The following CASP10 variants were observed in gnomAD, a reference collection of about 807,000 sequenced individuals.
CASP10 encodes caspase 10.
In CASP10, 41 loss-of-function variants were observed where a neutral mutation model predicts 48.5. That is an observed-to-expected ratio of 0.85 (90% confidence interval 0.66 to 1.10). The LOEUF (loss-of-function observed/expected upper bound fraction) is 1.10, where lower values mean the gene tolerates loss of function less well. Among genes scored for constraint, CASP10 ranks in the 50% least tolerant of loss-of-function variants. The pLI is 0.00. For missense variants in CASP10, 614 were observed against 614.5 expected (o/e 1.00, Z 0.01); for synonymous variants, 232 against 238.4 (o/e 0.97, Z 0.25).
At chr2:201,194,226 A>G (rs1944712960) in intron 4 of CASP10, among the ~76,000 whole-genome samples, 1 of 152,002 alleles carries the variant, frequency 6.6e-6, no homozygotes, top group South Asian at 2.1e-4. Context: ...CAGTACGCTA[A>G]ATATCTGTGT....
intron 5 of CASP10, among the ~76,000 whole-genome samples, chr2:201,198,675 G>A (rs1285888949): frequency 6.6e-6 from 1 of 151,074 alleles, no homozygotes; most frequent in Non-Finnish European, 1.5e-5. Flanking sequence ...CAAGTAGCTG[G>A]GACCACAGGC....
intron 9 of CASP10, among the ~76,000 whole-genome samples, chr2:201,228,052 G>C (rs1945811433): frequency 6.6e-6 from 1 of 151,940 alleles, no homozygotes; most frequent in South Asian, 2.1e-4. Flanking sequence ...AAGGTCTTTA[G>C]AGACAGGGCA....
intron 9 of CASP10, among the ~76,000 whole-genome samples, chr2:201,215,830 A>G (rs907527536): frequency 1.3e-5 from 2 of 151,744 alleles, no homozygotes; most frequent in Non-Finnish European, 2.9e-5. Flanking sequence ...GTTTTGTTTT[A>G]GAGATGGGGT....
intron 5 of CASP10, among the ~76,000 whole-genome samples, chr2:201,201,318 T>G (rs1308185726): frequency 1.3e-5 from 2 of 151,986 alleles, no homozygotes; most frequent in African/African-American, 4.8e-5. Context: ...GCATGAGCTA[T>G]TGTGCATGGC....
At chr2:201,222,121 A>C (rs552124723), downstream of CASP10, among the ~76,000 whole-genome samples, 1 of 152,238 alleles carries the variant, frequency 6.6e-6, no homozygotes, top group Non-Finnish European at 1.5e-5. Flanking sequence ...GGGAATAGGT[A>C]GATTGAGTGA....
chr2:201,202,621 C>T (rs375380216), intron 5 of CASP10, among the ~76,000 whole-genome samples: 2 of 152,154 alleles, frequency 1.3e-5, no homozygotes, highest in African/African-American at 2.4e-5. Context: ...TAGGATTCTA[C>T]AGGAAGGGAA....
At chr2:201,209,025 TTCTCTC>T in intron 8 of CASP10, 39 bp from the exon 9 acceptor site, 2 of 1,519,590 alleles carry the variant, frequency 1.3e-6, no homozygotes, top group Non-Finnish European at 1.8e-6. Flanking sequence ...TATTTCCCCT[TTCTCTC>T]TCTCTCTCTC....
At chr2:201,201,861 T>C (rs898678731) in intron 5 of CASP10, among the ~76,000 whole-genome samples, 20 of 152,158 alleles carry the variant, frequency 1.3e-4, no homozygotes, top group African/African-American at 4.6e-4. Flanking sequence ...GAAGGAACTC[T>C]CATCGAATTT....
At chr2:201,200,613 C>T in intron 5 of CASP10, 1 of 1,482,326 alleles carries the variant, frequency 6.7e-7, no homozygotes, top group Non-Finnish European at 8.9e-7. Flanking sequence ...CCCTGAACCT[C>T]ATTCGGCAGG....
At chr2:201,207,713 C>T (rs1412991348) in intron 7 of CASP10, among the ~76,000 whole-genome samples, 14 of 151,294 alleles carry the variant, frequency 9.3e-5, no homozygotes, top group Non-Finnish European at 1.6e-4. Flanking sequence ...GCTGAGATCA[C>T]GCCATTGCAC....
chr2:201,192,624 T>C (rs1378668429), intron 3 of CASP10, among the ~76,000 whole-genome samples: 1 of 152,150 alleles, frequency 6.6e-6, no homozygotes, highest in Non-Finnish European at 1.5e-5. Context: ...AGCTCTGCCA[T>C]TAATTAGCTT....
At chr2:201,200,448 T>C (rs757904811) in intron 5 of CASP10, 35 of 1,597,790 alleles carry the variant, frequency 2.2e-5, no homozygotes, top group Admixed American at 3.3e-5. Flanking sequence ...CCCAGGAAGG[T>C]GTTTTTGTTT....
intron 5 of CASP10, chr2:201,200,358 G>C: frequency 8.0e-7 from 1 of 1,256,348 alleles, no homozygotes; most frequent in Non-Finnish European, 1.1e-6. Context: ...GTAAAACAAT[G>C]CTTTTCTGAC....
chr2:201,227,535 C>A (rs575729627), intron 9 of CASP10, among the ~76,000 whole-genome samples: 8 of 152,170 alleles, frequency 5.3e-5, no homozygotes, highest in African/African-American at 4.8e-5. Flanking sequence ...CAAACAGTTT[C>A]TTTTTTTAAT....
chr2:201,222,649 T>C (rs1350282903), downstream of CASP10, among the ~76,000 whole-genome samples: 1 of 152,242 alleles, frequency 6.6e-6, no homozygotes, highest in East Asian at 1.9e-4. Flanking sequence ...TACTGGCCTC[T>C]GCTTCAGGGA....
At chr2:201,208,541 C>T (rs754175962) in intron 8 of CASP10, 14 of 164,316 alleles carry the variant, frequency 8.5e-5, no homozygotes, top group Non-Finnish European at 1.5e-4. Context: ...TGGCCACTGC[C>T]GATTCTCAGG....
intron 7 of CASP10, among the ~76,000 whole-genome samples, chr2:201,206,786 C>G (rs978735523): frequency 6.6e-6 from 1 of 151,726 alleles, no homozygotes; most frequent in Non-Finnish European, 1.5e-5. Flanking sequence ...AAAGATTTCC[C>G]TTTTTTGAAG....
downstream of CASP10, among the ~76,000 whole-genome samples, chr2:201,225,834 C>T (rs1018905144): frequency 2.6e-5 from 4 of 152,166 alleles, no homozygotes; most frequent in South Asian, 2.1e-4. Context: ...GGCATGGTGG[C>T]GCACACCTGT....
Position 201,219,632 on chromosome 2 carries a change from T to G in CASP10, c.*1891T>G. The G allele has an allele frequency of 1.5e-5, 15 of 985,072 alleles. No homozygotes were observed. The highest frequency in any genetic ancestry group is 1.8e-5 in the Non-Finnish European group (15 of 829,908). 61.0% of individuals were successfully genotyped at this position (985,072 alleles called of 1,614,324 possible). A position where few individuals can be genotyped will look rare whatever the true frequency, so the allele number is the denominator to read the frequency against. On this transcript the variant is annotated 3_prime_UTR_variant, in exon 10 of 10. Transcript: ENST00000286186. Reference sequence around the variant, plus strand: ...TGGCAGAGGGGATGTCTGGCTTGCCTGAAGGGAGTGGCTCTGTAAGGACGC... The same window carrying G: ...TGGCAGAGGGGATGTCTGGCTTGCCGGAAGGGAGTGGCTCTGTAAGGACGC...
Sources: gnomAD v4.1 joint callset for allele counts (sites outside exome capture counted in the v4.1 genomes callset) on GRCh38, gnomAD v4.1.1 for gene constraint, MANE v1.5 for transcripts, NCBI Gene and HGNC (gene_info 2026-07-23, HGNC 2026-07-21) for gene names.